The following DGKI variants were observed in gnomAD, a reference collection of about 807,000 sequenced individuals.
DGKI encodes diacylglycerol kinase iota.
In DGKI, 55 loss-of-function variants were observed where a neutral mutation model predicts 147.5. The ratio of observed to expected loss-of-function variants is 0.37; its 90% CI spans 0.30 to 0.47. DGKI has a LOEUF of 0.47. DGKI is among the 20% of genes least tolerant of loss of function. DGKI has a pLI of 1.00. For missense variants in DGKI, 1,007 were observed against 1,323.8 expected, an observed-to-expected ratio of 0.76 and a Z score of 3.71; for synonymous variants, 469 against 477.1, an observed-to-expected ratio of 0.98 and a Z score of 0.22.
intron 19 of DGKI, among the ~76,000 whole-genome samples, chr7:137,554,424 T>C (rs2692008): frequency 0.11 from 16,601 of 152,152 alleles, 2,049 homozygotes; most frequent in African/African-American, 0.3. Flanking sequence ...TAACCTAGCA[T>C]GTGTTAGTCT....
chr7:137,577,711 G>A (rs373745210), intron 16 of DGKI, among the ~76,000 whole-genome samples: 1 of 152,042 alleles, frequency 6.6e-6, no homozygotes, highest in Non-Finnish European at 1.5e-5. Flanking sequence ...TCCTCCTATC[G>A]ATTGGCATAA....
At chr7:137,392,925 A>C (rs2128892789) in intron 32 of DGKI, among the ~76,000 whole-genome samples, 1 of 152,316 alleles carries the variant, frequency 6.6e-6, no homozygotes, top group East Asian at 1.9e-4. Flanking sequence ...AGAATGGCAA[A>C]ATTTAAAAAT....
intron 20 of DGKI, among the ~76,000 whole-genome samples, chr7:137,537,635 T>C (rs907256974): frequency 6.6e-6 from 1 of 152,140 alleles, no homozygotes; most frequent in South Asian, 2.1e-4. Flanking sequence ...AAAATTATAA[T>C]CCACGAATCA....
At chr7:137,716,543 A>G (rs902887298) in intron 1 of DGKI, among the ~76,000 whole-genome samples, 2 of 152,224 alleles carry the variant, frequency 1.3e-5, no homozygotes, top group African/African-American at 4.8e-5. Flanking sequence ...GGAGGTAATG[A>G]AAAATGAAAT....
intron 5 of DGKI, among the ~76,000 whole-genome samples, chr7:137,654,346 T>C (rs1241701917): frequency 6.6e-6 from 1 of 152,162 alleles, no homozygotes; most frequent in Non-Finnish European, 1.5e-5. Flanking sequence ...ATGAATGGCT[T>C]ATACCCACTC....
intron 2 of DGKI, among the ~76,000 whole-genome samples, chr7:137,688,367 C>CA (rs879779570): frequency 1.3e-5 from 2 of 151,988 alleles, no homozygotes; most frequent in South Asian, 2.1e-4. Context: ...GCACAGTTTA[C>CA]AAAAAAAACT....
chr7:137,838,066 G>A (rs1208873926), intron 1 of DGKI, among the ~76,000 whole-genome samples: 3 of 132,724 alleles, frequency 2.3e-5, no homozygotes, highest in Non-Finnish European at 4.6e-5. Context: ...GCAGTGGCTT[G>A]ATCTCAGCTC....
intron 10 of DGKI, among the ~76,000 whole-genome samples, chr7:137,605,983 A>G (rs1215527929): frequency 1.3e-5 from 2 of 152,250 alleles, no homozygotes; most frequent in Non-Finnish European, 2.9e-5. Context: ...CAAAGAAATG[A>G]TAAATGTTTG....
At chr7:137,778,028 C>T (rs997641011) in intron 1 of DGKI, among the ~76,000 whole-genome samples, 2 of 152,122 alleles carry the variant, frequency 1.3e-5, no homozygotes, top group African/African-American at 2.4e-5. Context: ...CCTACCAAGG[C>T]GTACACAGCT....
At chr7:137,394,453 C>G (rs1488372201) in intron 32 of DGKI, among the ~76,000 whole-genome samples, 1 of 152,172 alleles carries the variant, frequency 6.6e-6, no homozygotes, top group Non-Finnish European at 1.5e-5. Flanking sequence ...CTCTTTCTCT[C>G]TCTTCTTTCT....
At chr7:137,713,290 T>A (rs1425102829) in intron 1 of DGKI, among the ~76,000 whole-genome samples, 1 of 152,190 alleles carries the variant, frequency 6.6e-6, no homozygotes, top group Non-Finnish European at 1.5e-5. Flanking sequence ...TTTATAATAT[T>A]CACATAGGGT....
At chr7:137,548,966 A>G (rs1029164453) in intron 20 of DGKI, among the ~76,000 whole-genome samples, 3 of 152,192 alleles carry the variant, frequency 2.0e-5, no homozygotes, top group African/African-American at 2.4e-5. Context: ...GTCTCAATAA[A>G]TAAACAAATA....
At chr7:137,588,306 A>G (rs1475389597) in intron 12 of DGKI, among the ~76,000 whole-genome samples, 1 of 152,094 alleles carries the variant, frequency 6.6e-6, no homozygotes, top group Non-Finnish European at 1.5e-5. Flanking sequence ...TATTTGTACG[A>G]GTCATGTTTC....
chr7:137,419,902 C>G (rs931789600), intron 28 of DGKI, among the ~76,000 whole-genome samples: 1 of 152,172 alleles, frequency 6.6e-6, no homozygotes, highest in African/African-American at 2.4e-5. Flanking sequence ...ACATGCAACT[C>G]TGTATCAACT....
chr7:137,628,962 G>A (rs1222981941), intron 6 of DGKI, among the ~76,000 whole-genome samples: 1 of 152,156 alleles, frequency 6.6e-6, no homozygotes, highest in African/African-American at 2.4e-5. Context: ...TGTTTGGGGT[G>A]AGAGAATATT....
rs1811081281 is a variant in DGKI, at chr7:137,382,409, T to C, written c.*8811A>G. 1 of 151,994 alleles carries C rather than the reference T, an allele frequency of 6.6e-6. No homozygotes were observed. The highest frequency in any genetic ancestry group is 1.5e-5 in the Non-Finnish European group (1 of 67,972). The allele number at this position is 151,994 out of a possible 1,614,324, so 9.4% of individuals were successfully genotyped here. ...GACAGGCATAATGTATTATAAGAGG[T>C]TGGACAAACTCCTTCCAAAAACCAC... On this transcript the variant is annotated 3_prime_UTR_variant, in exon 33 of 33. Transcript: ENST00000614521.
At chr7:137,606,563 A>G (rs183274557) in intron 10 of DGKI, among the ~76,000 whole-genome samples, 2 of 152,338 alleles carry the variant, frequency 1.3e-5, no homozygotes, top group Non-Finnish European at 2.9e-5. Flanking sequence ...ACCCCGACTT[A>G]CTGAAGCAGA....
At chr7:137,761,171 G>C (rs1795845540) in intron 1 of DGKI, among the ~76,000 whole-genome samples, 1 of 152,138 alleles carries the variant, frequency 6.6e-6, no homozygotes, top group African/African-American at 2.4e-5. Context: ...GTTTGCTTCA[G>C]GACCATGCCA....
At chr7:137,720,603 G>C (rs1375899128) in intron 1 of DGKI, among the ~76,000 whole-genome samples, 1 of 151,856 alleles carries the variant, frequency 6.6e-6, no homozygotes, top group Non-Finnish European at 1.5e-5. Context: ...TGGGATTTTT[G>C]GTAATATCCC....
Sources: allele counts gnomAD v4.1 joint callset (sites outside exome capture counted in the v4.1 genomes callset), GRCh38; gene constraint gnomAD v4.1.1; transcripts MANE v1.5; gene names NCBI Gene and HGNC (gene_info 2026-07-23, HGNC 2026-07-21).